Variants in ELP4 observed in about 807,000 individuals in gnomAD.
ELP4 encodes elongator complex protein 4.
ELP4 carries 51 observed loss-of-function variants against 48.9 expected under a neutral mutation model. The observed-to-expected ratio is 1.04, with a 90% CI of 0.83 to 1.32. The LOEUF is 1.32. Ranked by LOEUF, ELP4 falls within the 40% of genes most tolerant of loss-of-function variation. The pLI is 0.00. For synonymous variants in ELP4, 210 were observed against 189.2 expected, an observed-to-expected ratio of 1.11 and a Z score of -0.90; for missense variants, 519 against 514.6, an observed-to-expected ratio of 1.01 and a Z score of -0.08.
At chr11:31,727,098 G>T (rs1947091518) in intron 9 of ELP4, among the ~76,000 whole-genome samples, 1 of 151,122 alleles carries the variant, frequency 6.6e-6, no homozygotes, top group Non-Finnish European at 1.5e-5. Flanking sequence ...CACTATCTAT[G>T]GACAGTATCA....
chr11:31,706,811 C>T (rs1946643902), intron 9 of ELP4, among the ~76,000 whole-genome samples: 5 of 151,996 alleles, frequency 3.3e-5, no homozygotes, highest in Admixed American at 3.3e-4. Context: ...TTAGCTCCCA[C>T]ATATGAGTGA....
chr11:31,542,491 G>C (rs1956608686), intron 3 of ELP4, among the ~76,000 whole-genome samples: 1 of 152,220 alleles, frequency 6.6e-6, no homozygotes, highest in South Asian at 2.1e-4. Context: ...AGGGCCAACA[G>C]TAATTCCTGC....
intron 9 of ELP4, among the ~76,000 whole-genome samples, chr11:31,739,087 A>G (rs1485990846): frequency 2.0e-5 from 3 of 151,706 alleles, no homozygotes; most frequent in Non-Finnish European, 2.9e-5. Context: ...TTTTACCCCA[A>G]TTTTTTTAAA....
intron 9 of ELP4, among the ~76,000 whole-genome samples, chr11:31,703,786 T>G (rs185607467): frequency 5.6e-4 from 85 of 152,322 alleles, no homozygotes; most frequent in Non-Finnish European, 9.8e-4. Context: ...TAAGAATTAG[T>G]GCAATTGTTT....
chr11:31,547,135 C>T (rs1308584952), intron 3 of ELP4, among the ~76,000 whole-genome samples: 1 of 152,076 alleles, frequency 6.6e-6, no homozygotes, highest in Admixed American at 6.5e-5. Flanking sequence ...TAACTAAAAT[C>T]AGAGCAGAAC....
In ELP4 at chr11:31,786,376, C is replaced by T. The variant is rs1041047680; in HGVS notation, c.*2852C>T. 1 of 212,598 alleles carries T rather than the reference C, an allele frequency of 4.7e-6. No individual in the cohort carries two copies. Among genetic ancestry groups the T allele is most frequent in the Admixed American group, 5.8e-5 (1 of 17,098 alleles). The allele number at this position is 212,598 out of a possible 1,614,324, so 13.2% of individuals were successfully genotyped here. A position where few individuals can be genotyped will look rare whatever the true frequency, so the allele number is the denominator to read the frequency against. ...CATTATTGAAATAAGCAGTACTAAC[C>T]CTAAGTACTTACACTTTGAACTTTA... On this transcript the variant is annotated 3_prime_UTR_variant, in exon 10 of 10. Transcript: ENST00000640961.
chr11:31,756,508 G>T (rs1947835159), intron 9 of ELP4, among the ~76,000 whole-genome samples: 1 of 151,894 alleles, frequency 6.6e-6, no homozygotes, highest in Non-Finnish European at 1.5e-5. Context: ...TTTTAAATTT[G>T]ACTGGAGCAG....
chr11:31,645,573 G>T (rs757343096), intron 7 of ELP4: 1 of 151,672 alleles, frequency 6.6e-6, no homozygotes, highest in Non-Finnish European at 1.5e-5. Context: ...TTGAATAGAT[G>T]AGTTCTAACA....
intron 9 of ELP4, among the ~76,000 whole-genome samples, chr11:31,661,700 G>A (rs535550408): frequency 6.6e-6 from 1 of 151,768 alleles, no homozygotes; most frequent in Non-Finnish European, 1.5e-5. Context: ...CAGATTATAC[G>A]GAATAGTTTG....
intron 9 of ELP4, among the ~76,000 whole-genome samples, chr11:31,743,224 C>T (rs1197131794): frequency 6.6e-6 from 1 of 152,328 alleles, no homozygotes; most frequent in South Asian, 2.1e-4. Flanking sequence ...GTTCCCAATA[C>T]AGGAGCACCC....
intron 5 of ELP4, among the ~76,000 whole-genome samples, chr11:31,609,797 C>T (rs1291720242): frequency 2.6e-5 from 4 of 151,946 alleles, no homozygotes; most frequent in African/African-American, 7.2e-5. Flanking sequence ...TTTGGGAGGT[C>T]GCGGCAGGAG....
intron 9 of ELP4, among the ~76,000 whole-genome samples, chr11:31,733,238 G>A (rs1270535711): frequency 6.6e-6 from 1 of 152,094 alleles, no homozygotes; most frequent in African/African-American, 2.4e-5. Flanking sequence ...CAATTTGGGA[G>A]GCTGAGGCGG....
At chr11:31,522,188 A>G (rs1166685163) in intron 2 of ELP4, among the ~76,000 whole-genome samples, 1 of 152,184 alleles carries the variant, frequency 6.6e-6, no homozygotes, top group African/African-American at 2.4e-5. Flanking sequence ...TGATTATCTC[A>G]GTTACATTTT....
chr11:31,513,717 T>A (rs1956052981), intron 1 of ELP4, among the ~76,000 whole-genome samples: 1 of 152,174 alleles, frequency 6.6e-6, no homozygotes, highest in African/African-American at 2.4e-5. Flanking sequence ...TGAATGTTGT[T>A]CCTTTAAAAT....
At chr11:31,719,777 CTGA>C (rs1439311416) in intron 9 of ELP4, 3 of 273,662 alleles carry the variant, frequency 1.1e-5, no homozygotes, top group African/African-American at 6.6e-5. Context: ...GTAAAATATA[CTGA>C]TGTCTGCAAC....
At chr11:31,610,753 A>G (rs1245985481) in intron 5 of ELP4, among the ~76,000 whole-genome samples, 6 of 152,142 alleles carry the variant, frequency 3.9e-5, no homozygotes, top group African/African-American at 1.4e-4. Flanking sequence ...AGTTAAGTGA[A>G]TCATCTTGTT....
intron 9 of ELP4, among the ~76,000 whole-genome samples, chr11:31,737,666 G>T (rs1275885044): frequency 6.6e-6 from 1 of 152,034 alleles, no homozygotes; most frequent in Non-Finnish European, 1.5e-5. Context: ...TCAAAAATGG[G>T]CAAAGGACTT....
chr11:31,656,406 T>C (rs1392150956), intron 9 of ELP4, among the ~76,000 whole-genome samples: 1 of 152,024 alleles, frequency 6.6e-6, no homozygotes, highest in Admixed American at 6.6e-5. Context: ...TTGGCTATTA[T>C]ATGTCTTAAA....
chr11:31,720,011 T>G (rs1393253104), intron 9 of ELP4: 1 of 151,820 alleles, frequency 6.6e-6, no homozygotes, highest in Non-Finnish European at 1.5e-5. Context: ...AAAAGCTTTG[T>G]TTTTTTTCAA....
Sources: allele counts gnomAD v4.1 joint callset (sites outside exome capture counted in the v4.1 genomes callset), GRCh38; gene constraint gnomAD v4.1.1; transcripts MANE v1.5; gene names NCBI Gene and HGNC (gene_info 2026-07-23, HGNC 2026-07-21).